FAM120C: variants seen among roughly 807,000 people sequenced by gnomAD.
The protein encoded by FAM120C is family with sequence similarity 120 member C, also known as constitutive coactivator of PPAR-gamma-like protein 2.
FAM120C carries 14 observed loss-of-function variants against 71.2 expected under a neutral mutation model. The ratio of observed to expected loss-of-function variants is 0.20; its 90% CI spans 0.13 to 0.31. FAM120C has a LOEUF of 0.31. FAM120C is among the 10% of genes least tolerant of loss of function. The pLI is 1.00. For synonymous variants in FAM120C, 354 were observed against 353.2 expected (o/e 1.00, Z -0.03); for missense variants, 500 against 879.0 (o/e 0.57, Z 5.45).
In FAM120C at chrX:54,072,639, C is replaced by A. The variant is rs1035438387; in HGVS notation, c.*394G>T. 1 of 117,828 alleles carries A rather than the reference C, an allele frequency of 8.5e-6. No homozygotes were observed. Among genetic ancestry groups the A allele is most frequent in the Non-Finnish European group, 1.7e-5 (1 of 58,204 alleles). 9.7% of individuals were successfully genotyped at this position (117,828 alleles called of 1,213,427 possible). A position where few individuals can be genotyped will look rare whatever the true frequency, so the allele number is the denominator to read the frequency against. On this transcript the variant is annotated 3_prime_UTR_variant, in exon 16 of 16. Coordinates refer to ENST00000375180, the MANE Select transcript of FAM120C (RefSeq NM_017848.6). ...AACCTCATAGGTTTATCATATAAGT[C>A]TTTGATAATGAGTATCATTATAAAT...
Position 54,167,584 on chromosome X carries a change from G to C in FAM120C, c.700-7968C>G, listed in dbSNP as rs1385572415. ...GACACTTAACTTGTGAGAAGTTATG[G>C]AGCACAGGGTACCATGGGAACACAG... On this transcript the variant is annotated intron_variant, in intron 1 of 15. Transcript: ENST00000375180. Among the ~76,000 whole-genome samples, 3 of 110,917 alleles carry C rather than the reference G, an allele frequency of 2.7e-5. No homozygotes were observed. In the Admixed American group the frequency reaches 2.9e-4, roughly 11 times the overall value.
intron 9 of FAM120C, among the ~76,000 whole-genome samples, 173 bp downstream of exon 9, chrX:54,132,519 A>G (rs2067073301): frequency 8.9e-6 from 1 of 112,123 alleles, no homozygotes; most frequent in African/African-American, 3.2e-5. Flanking sequence ...AAATGCTTGA[A>G]TAATTGCAGA....
chrX:54,138,585 G>C (rs186516309), intron 4 of FAM120C, among the ~76,000 whole-genome samples: 20 of 109,275 alleles, frequency 1.8e-4, no homozygotes, highest in African/African-American at 6.3e-4. Context: ...TCAGCACTTT[G>C]GGAGGCCAAG....
intron 9 of FAM120C, among the ~76,000 whole-genome samples, chrX:54,118,703 T>C (rs1387863260): frequency 1.2e-3 from 99 of 85,481 alleles, no homozygotes; most frequent in Non-Finnish European, 1.8e-3. Context: ...TTTTTTCTTT[T>C]TTTTTTTTTT....
chrX:54,078,045 G>A (rs941501689), intron 15 of FAM120C, among the ~76,000 whole-genome samples: 5 of 95,432 alleles, frequency 5.2e-5, no homozygotes, highest in Non-Finnish European at 8.3e-5. Context: ...CCGGGTTCAC[G>A]CCATTCTCCT....
At chrX:54,159,238 C>A in intron 2 of FAM120C, 132 bp downstream of exon 2, 1 of 812,811 alleles carries the variant, frequency 1.2e-6, no homozygotes, top group East Asian at 3.3e-5. Flanking sequence ...TGAGTTCTCC[C>A]CAGCAGTGTT....
At chrX:54,080,411 AGT>A (rs1442595101) in intron 14 of FAM120C, 122 bp from the exon 15 acceptor site, 1 of 527,597 alleles carries the variant, frequency 1.9e-6, no homozygotes, top group Non-Finnish European at 3.3e-6. Flanking sequence ...GCCCCTTCTC[AGT>A]GTTACTACTG....
chrX:54,136,463 G>C, intron 5 of FAM120C, 28 bp downstream of exon 5: 1 of 1,101,120 alleles, frequency 9.1e-7, no homozygotes, highest in Middle Eastern at 2.4e-4. Flanking sequence ...TATGAACAGA[G>C]CAGCTTAGGG....
At chrX:54,128,698 C>T (rs1346685676) in intron 9 of FAM120C, among the ~76,000 whole-genome samples, 1 of 111,799 alleles carries the variant, frequency 8.9e-6, no homozygotes, top group Non-Finnish European at 1.9e-5. Flanking sequence ...TGCCTTCAAG[C>T]ATCTGTTTAA....
At chrX:54,075,466 C>G (rs1557120498) in intron 15 of FAM120C, among the ~76,000 whole-genome samples, 1 of 111,778 alleles carries the variant, frequency 8.9e-6, no homozygotes, top group African/African-American at 3.2e-5. Context: ...AAGGAATCAC[C>G]AAATACATCA....
chrX:54,150,522 A>G (rs2067179379), intron 4 of FAM120C, among the ~76,000 whole-genome samples: 1 of 111,620 alleles, frequency 9.0e-6, no homozygotes, highest in Non-Finnish European at 1.9e-5. Flanking sequence ...AGGTCTTGCT[A>G]TGTTGCTCAG....
At chrX:54,117,565 G>C (rs1387798999) in intron 9 of FAM120C, among the ~76,000 whole-genome samples, 1 of 106,451 alleles carries the variant, frequency 9.4e-6, no homozygotes, top group Non-Finnish European at 1.9e-5. Context: ...AGGCATAGTG[G>C]TGGGTGCCTG....
chrX:54,174,715 T>G (rs919022779), intron 1 of FAM120C, among the ~76,000 whole-genome samples: 7 of 112,218 alleles, frequency 6.2e-5, no homozygotes, highest in African/African-American at 2.3e-4. Context: ...CAGATCCTGG[T>G]GAACACTACT....
chrX:54,077,342 T>C (rs2066740663), intron 15 of FAM120C, among the ~76,000 whole-genome samples: 1 of 111,702 alleles, frequency 9.0e-6, no homozygotes, highest in Non-Finnish European at 1.9e-5. Context: ...ACTGACTTCA[T>C]AGATAATTTG....
chrX:54,136,389 T>TA, intron 5 of FAM120C, 102 bp downstream of exon 5: 2 of 555,169 alleles, frequency 3.6e-6, no homozygotes, highest in Non-Finnish European at 6.3e-6. Flanking sequence ...TGTAGGAGGA[T>TA]ATAACACGAA....
At chrX:54,127,868 C>T (rs957919081) in intron 9 of FAM120C, among the ~76,000 whole-genome samples, 6 of 110,921 alleles carry the variant, frequency 5.4e-5, no homozygotes, top group Non-Finnish European at 1.1e-4. Context: ...ATTGAGATTA[C>T]AGACGTGAGC....
intron 15 of FAM120C, among the ~76,000 whole-genome samples, chrX:54,078,104 C>G (rs1011119912): frequency 8.6e-5 from 9 of 104,375 alleles, no homozygotes; most frequent in Admixed American, 3.2e-4. Context: ...CTACCACGCC[C>G]GGCTAATTTT....
intron 1 of FAM120C, among the ~76,000 whole-genome samples, chrX:54,169,719 G>T (rs2067277905): frequency 8.9e-6 from 1 of 111,825 alleles, no homozygotes; most frequent in South Asian, 3.8e-4. Context: ...AAGAAGATTC[G>T]AGGGCGGGAT....
chrX:54,182,544 G>A lies in FAM120C; in HGVS notation c.655C>T (p.Leu219=), dbSNP rs782256039. 8.3e-7 allele frequency: 1 copy of A among 1,209,370 alleles called. No individual in the cohort carries two copies. The highest frequency in any genetic ancestry group is 1.7e-5 in the African/African-American group (1 of 57,423). The change falls in exon 1 of 16, where the codon CTG becomes TTG. Residue 219 remains leucine, a synonymous_variant. Coordinates refer to ENST00000375180, the MANE Select transcript of FAM120C (RefSeq NM_017848.6). ...PRAWFLPPAC[L]SHCVRLALIR... ...AGTGCTAGCCTCACGCAGTGGCTCAGGCAGGCCGGTGGCAGGAACCAGGCC... is the reference window on the plus strand; with the variant it reads ...AGTGCTAGCCTCACGCAGTGGCTCAAGCAGGCCGGTGGCAGGAACCAGGCC...
Sources: allele counts gnomAD v4.1 joint callset (sites outside exome capture counted in the v4.1 genomes callset), GRCh38; gene constraint gnomAD v4.1.1; transcripts MANE v1.5; gene names NCBI Gene and HGNC (gene_info 2026-07-23, HGNC 2026-07-21).